The following CHRNB4 variants were observed in gnomAD, a reference collection of about 807,000 sequenced individuals.
The protein encoded by CHRNB4 is cholinergic receptor nicotinic beta 4 subunit.
In CHRNB4, 23 loss-of-function variants were observed where a neutral mutation model predicts 40.4. The observed-to-expected ratio is 0.57, with a 90% CI of 0.41 to 0.81. The LOEUF (loss-of-function observed/expected upper bound fraction) is 0.81. CHRNB4 is among the 30% of genes least tolerant of loss of function. CHRNB4 has a pLI of 0.00. For synonymous variants in CHRNB4, 285 were observed against 274.4 expected, an observed-to-expected ratio of 1.04 and a Z score of -0.38; for missense variants, 568 against 670.6, an observed-to-expected ratio of 0.85 and a Z score of 1.69.
chr15:78,636,212 C>T (rs2053946571), intron 1 of CHRNB4, among the ~76,000 whole-genome samples: 1 of 152,048 alleles, frequency 6.6e-6, no homozygotes. Context: ...CGGTCCTAGT[C>T]CTATCTTTTA....
Position 78,631,171 on chromosome 15 carries a change from G to A in CHRNB4, c.264C>T (p.Tyr88=). 1 of 1,614,212 alleles carries A rather than the reference G, an allele frequency of 6.2e-7. No homozygotes were observed. Among genetic ancestry groups the A allele is most frequent in the Non-Finnish European group, 8.5e-7 (1 of 1,180,018 alleles). The part of the protein sequence containing the change: ...NVWLKQEWTD[Y]RLTWNSSRYE... ...AGCGGGAGCTGTTCCAGGTCAGGCGGTAATCAGTCCATTCCTGGACAGACA... is the reference window on the plus strand; with the variant it reads ...AGCGGGAGCTGTTCCAGGTCAGGCGATAATCAGTCCATTCCTGGACAGACA... Residue 88 remains tyrosine (Y), a synonymous_variant, in exon 4 of 6, where the codon TAC becomes TAT. Transcript: ENST00000261751.
In CHRNB4 at chr15:78,631,064, C is replaced by G. The variant is rs926514921; in HGVS notation, c.359+12G>C. On this transcript the variant is annotated intron_variant, in intron 4 of 5. Coordinates refer to ENST00000261751, the MANE Select transcript of CHRNB4 (RefSeq NM_000750.5). ...TGGCTGTCACCAGGCCTCCACCAAC[C>G]CTGCCACTCACTTGTTGTAAAGCAC... 2.6e-5 allele frequency: 42 copies of G among 1,611,208 alleles called. No individual in the cohort carries two copies. The highest frequency in any genetic ancestry group is 3.6e-5 in the Non-Finnish European group (42 of 1,177,830).
upstream of CHRNB4, chr15:78,641,301 A>T (rs532586426): frequency 1.0e-3 from 571 of 564,838 alleles, no homozygotes; most frequent in African/African-American, 7.5e-3. Flanking sequence ...CCACTCAGGG[A>T]TGTACTGGGC....
At chr15:78,641,608 T>C (rs1454704679), upstream of CHRNB4, among the ~76,000 whole-genome samples, 2 of 152,172 alleles carry the variant, frequency 1.3e-5, no homozygotes, top group South Asian at 2.1e-4. Flanking sequence ...TGGGGTTTGC[T>C]GAAAGAAAGG....
At chr15:78,640,923 G>A (rs1046350359) in intron 1 of CHRNB4, among the ~76,000 whole-genome samples, 156 bp downstream of exon 1, 1 of 152,186 alleles carries the variant, frequency 6.6e-6, no homozygotes, top group Non-Finnish European at 1.5e-5. Context: ...GCCTCAGCGA[G>A]TGGGCTCAGC....
intron 2 of CHRNB4, 115 bp downstream of exon 2, chr15:78,635,324 T>C: frequency 7.7e-7 from 1 of 1,302,538 alleles, no homozygotes; most frequent in Non-Finnish European, 1.0e-6. Context: ...TGACACGTAC[T>C]GGTAAGTCTA....
rs569368094 is a variant in CHRNB4, at chr15:78,654,563, C to T, written c.-110+981G>A. On this transcript the variant is annotated intron_variant and NMD_transcript_variant, in intron 5 of 11. Coordinates refer to the CHRNB4 transcript ENST00000559849. ...CCTCTCTGTGCCTCATGTTTTTCAT[C>T]TGTTAAGTAGGGAGATCAAGAGTAT... 4.2e-3 allele frequency among the ~76,000 whole-genome samples: 642 copies of T among 152,230 alleles called. 7 individuals carry two copies. The highest frequency in any genetic ancestry group is 0.015 in the African/African-American group (610 of 41,540).
In CHRNB4 at chr15:78,641,115, G is replaced by C. The variant is rs751361213; in HGVS notation, c.19C>G (p.Leu7Val). 2.5e-6 allele frequency: 4 copies of C among 1,578,060 alleles called. No individual in the cohort carries two copies. The African/African-American group carries it at 5.4e-5, about 21-fold the overall frequency. Reference protein sequence around the residue: MRRAPSLVLFFLVALCG... With the variant: MRRAPSVVLFFLVALCG... The stretch of plus-strand genomic sequence containing the variant: ...AGGGCGACCAGGAAGAAAAGGACCA[G>C]GGAAGGCGCGCGCCTCATGGCCGGC... The change falls in exon 1 of 6, where the codon CTG (leucine) becomes GTG (valine). Residue 7 changes from leucine (L) to valine (V), a missense_variant. Leu to Val is a conservative substitution (Grantham distance 32, BLOSUM62 1). Around this residue, in one of 4 missense-constraint regions of CHRNB4, gnomAD observed 161 missense variants for 148.1 expected, o/e 1.09. Coordinates refer to ENST00000261751, the MANE Select transcript of CHRNB4 (RefSeq NM_000750.5).
chr15:78,626,726 A>T (rs1285906463), intron 5 of CHRNB4: 1 of 152,220 alleles, frequency 6.6e-6, no homozygotes, highest in East Asian at 1.9e-4. Flanking sequence ...TTCTACTAAA[A>T]GCCACTTCAC....
At chr15:78,632,595 G>A (rs1369807612) in intron 2 of CHRNB4, among the ~76,000 whole-genome samples, 1 of 151,938 alleles carries the variant, frequency 6.6e-6, no homozygotes, top group Non-Finnish European at 1.5e-5. Context: ...ACAGGTACAA[G>A]CCACCTCACC....
At chr15:78,661,322 T>C (rs1377471279), upstream of CHRNB4, 2 of 583,376 alleles carry the variant, frequency 3.4e-6, no homozygotes, top group Non-Finnish European at 3.3e-6. Flanking sequence ...CACCTTCAGG[T>C]TGAGAACCTC....
intron 1 of CHRNB4, among the ~76,000 whole-genome samples, chr15:78,639,227 G>A (rs1463527352): frequency 6.6e-6 from 1 of 152,228 alleles, no homozygotes; most frequent in Non-Finnish European, 1.5e-5. Context: ...GAAAGGCAGA[G>A]TGATTTTTCA....
intron 5 of CHRNB4, among the ~76,000 whole-genome samples, chr15:78,653,676 T>C (rs1485176202): frequency 1.3e-5 from 2 of 152,170 alleles, no homozygotes; most frequent in Admixed American, 6.5e-5. Flanking sequence ...GCCACACTTT[T>C]CCTGGCAAGC....
At chr15:78,637,415 GAA>G (rs2053975130) in intron 1 of CHRNB4, among the ~76,000 whole-genome samples, 2 of 151,848 alleles carry the variant, frequency 1.3e-5, no homozygotes, top group African/African-American at 4.8e-5. Flanking sequence ...CTGGGAGGAG[GAA>G]AAGAGATGAG....
At chr15:78,641,965 T>C (rs2141401446), upstream of CHRNB4, among the ~76,000 whole-genome samples, 1 of 152,334 alleles carries the variant, frequency 6.6e-6, no homozygotes, top group South Asian at 2.1e-4. Context: ...ATTCTGGATC[T>C]AGAAGGGCCT....
chr15:78,646,294 G>A (rs2054122753), intron 7 of CHRNB4, among the ~76,000 whole-genome samples: 1 of 152,142 alleles, frequency 6.6e-6, no homozygotes, highest in South Asian at 2.1e-4. Context: ...TAAAAACGAT[G>A]TTGGGACAAT....
At chr15:78,650,096 G>C (rs1302003883) in intron 6 of CHRNB4, among the ~76,000 whole-genome samples, 1 of 152,218 alleles carries the variant, frequency 6.6e-6, no homozygotes, top group Non-Finnish European at 1.5e-5. Flanking sequence ...TGTGCACCCG[G>C]TCCCTTGTCT....
chr15:78,627,397 T>C (rs756876312), intron 5 of CHRNB4: 9 of 152,180 alleles, frequency 5.9e-5, no homozygotes, highest in Admixed American at 2.0e-4. Context: ...GTCCAAGAAC[T>C]ACACCAGAAG....
At position 78,631,109 on chromosome 15, in the gene CHRNB4, C is replaced by A. The variant is rs149832833; in HGVS notation, c.326G>T (p.Arg109Leu). The A allele has an allele frequency of 5.6e-6, 9 of 1,614,192 alleles. No homozygotes were observed. The highest frequency in any genetic ancestry group is 7.6e-6 in the Non-Finnish European group (9 of 1,180,018). The change falls in exon 4 of 6, where the codon CGC (arginine) becomes CTC (leucine). Residue 109 changes from arginine to leucine, a missense_variant. By Grantham distance (102) the Arg-to-Leu change is moderately radical (BLOSUM62 -2). Transcript: ENST00000261751. ...GVNILRIPAK[R>L]IWLPDIVLYN... is the part of the protein sequence containing the mutation. ...AAGCACGATGTCAGGCAACCAGATGCGCTTTGCAGGGATCCTCAGGATGTT... is the reference window on the plus strand; with the variant it reads ...AAGCACGATGTCAGGCAACCAGATGAGCTTTGCAGGGATCCTCAGGATGTT...
Sources: gnomAD v4.1 joint callset for allele counts (sites outside exome capture counted in the v4.1 genomes callset) on GRCh38, gnomAD v4.1.1 for gene constraint, gnomAD v4.1.1 regional missense constraint, MANE v1.5 for transcripts, NCBI Gene and HGNC (gene_info 2026-07-23, HGNC 2026-07-21) for gene names.